PIEZO2: variants seen among roughly 807,000 people sequenced by gnomAD.
PIEZO2 encodes piezo type mechanosensitive ion channel component 2, also known as piezo-type mechanosensitive ion channel component 2.
PIEZO2 carries 172 observed loss-of-function variants against 337.3 expected under a neutral mutation model. That is an observed-to-expected ratio of 0.51 (90% CI 0.45 to 0.58). The LOEUF (loss-of-function observed/expected upper bound fraction) is 0.58, where lower values mean the gene tolerates loss of function less well. Among genes scored for constraint, PIEZO2 ranks in the 20% least tolerant of loss-of-function variants. PIEZO2 has a pLI of 0.00. For missense variants in PIEZO2, 3,028 were observed against 3,391.3 expected, an observed-to-expected ratio of 0.89 and a Z score of 2.66; for synonymous variants, 1,251 against 1,228.5, an observed-to-expected ratio of 1.02 and a Z score of -0.38.
chr18:10,844,887 C>A (rs926691855), intron 7 of PIEZO2, among the ~76,000 whole-genome samples: 35 of 151,570 alleles, frequency 2.3e-4, no homozygotes, highest in African/African-American at 8.2e-4. Context: ...AGTAACTGAC[C>A]AAATAATGAC....
intron 3 of PIEZO2, among the ~76,000 whole-genome samples, chr18:10,941,846 A>G (rs1043491817): frequency 7.9e-5 from 12 of 152,324 alleles, no homozygotes; most frequent in African/African-American, 2.6e-4. Context: ...TTCCCACCCA[A>G]ATCTCATCTT....
chr18:10,740,898 A>G, intron 33 of PIEZO2, 133 bp downstream of exon 33: 2 of 944,582 alleles, frequency 2.1e-6, no homozygotes. Flanking sequence ...AAATTTTCCT[A>G]CACTCCGACC....
intron 42 of PIEZO2, among the ~76,000 whole-genome samples, chr18:10,702,427 C>T (rs140488514): frequency 2.6e-5 from 4 of 152,124 alleles, no homozygotes; most frequent in Admixed American, 6.6e-5. Context: ...CTCAGGGCAC[C>T]GCTTTGATTA....
At chr18:10,805,065 C>G (rs547666180) in intron 8 of PIEZO2, among the ~76,000 whole-genome samples, 65 of 152,314 alleles carry the variant, frequency 4.3e-4, no homozygotes, top group African/African-American at 1.4e-3. Flanking sequence ...GCAGTGGAAG[C>G]AGAATATCGC....
intron 3 of PIEZO2, among the ~76,000 whole-genome samples, chr18:10,936,394 T>C (rs2032398071): frequency 6.6e-6 from 1 of 152,170 alleles, no homozygotes; most frequent in Non-Finnish European, 1.5e-5. Context: ...TGAGGTTGCC[T>C]TTTAACATAC....
intron 4 of PIEZO2, among the ~76,000 whole-genome samples, chr18:10,907,613 C>T (rs1182227992): frequency 2.6e-5 from 4 of 152,130 alleles, no homozygotes; most frequent in African/African-American, 4.8e-5. Flanking sequence ...TGTATTAAGC[C>T]ACCAAGAATT....
At position 10,693,431 on chromosome 18, in the gene PIEZO2, G is replaced by A. The variant is rs559189809; in HGVS notation, c.7191-2048C>T. On this transcript the variant is annotated intron_variant, in intron 47 of 55. Transcript: ENST00000674853. ...GTCACCCAGGCTGGAGTGCAGCAGC[G>A]CAATCTCAGCTCACTGCAACTTCTG... 4.0e-5 allele frequency among the ~76,000 whole-genome samples: 6 copies of A among 151,260 alleles called. No homozygotes were observed. The South Asian group carries it at 1.2e-3, about 31-fold the overall frequency.
At chr18:10,790,524 T>C (rs1354758741) in intron 14 of PIEZO2, among the ~76,000 whole-genome samples, 1 of 152,340 alleles carries the variant, frequency 6.6e-6, no homozygotes, top group East Asian at 1.9e-4. Context: ...CATCATCCTC[T>C]GTTTTTACAT....
At chr18:10,695,997 C>A in intron 47 of PIEZO2, 77 bp downstream of exon 47, 1 of 1,368,480 alleles carries the variant, frequency 7.3e-7, no homozygotes, top group Non-Finnish European at 1.0e-6. Flanking sequence ...TTCTGCTGTG[C>A]AATGCATGCG....
rs529732536 is a variant in PIEZO2 at position 10,982,998 on chromosome 18, G to A, written c.161-3338C>T. On this transcript the variant is annotated intron_variant, in intron 2 of 55. Coordinates refer to ENST00000674853, the MANE Select transcript of PIEZO2 (RefSeq NM_001378183.1). The surrounding 1 kb of genome is among the most constrained non-coding windows in gnomAD (Gnocchi z 4.1). ...AGCCTCCCAAAGTGCTGGGATTACA[G>A]GAATGAGCCACCGTGCCTGGCCAAA... Among the ~76,000 whole-genome samples, 1 of 152,216 alleles carries A rather than the reference G, an allele frequency of 6.6e-6. No individual in the cohort carries two copies. The highest frequency in any genetic ancestry group is 2.4e-5 in the African/African-American group (1 of 41,528).
intron 7 of PIEZO2, among the ~76,000 whole-genome samples, chr18:10,823,181 C>G (rs762418117): frequency 2.8e-4 from 43 of 151,946 alleles, no homozygotes; most frequent in Non-Finnish European, 4.1e-4. Context: ...TCTAGGTTCT[C>G]TTTTTAGACA....
rs2038264628 is a variant in PIEZO2 at position 11,069,485 on chromosome 18, G to C, written c.65-3263C>G. Among the ~76,000 whole-genome samples, 1 of 152,004 alleles carries C rather than the reference G, an allele frequency of 6.6e-6. No homozygotes were observed. The highest frequency in any genetic ancestry group is 1.5e-5 in the Non-Finnish European group (1 of 68,016). On this transcript the variant is annotated intron_variant, in intron 1 of 55. Transcript: ENST00000674853. This position sits in a 1 kb window ranked among gnomAD's most constrained non-coding sequence, Gnocchi z 4.9. Reference sequence around the variant, plus strand: ...TCTGACAAAATTCAACACCCTTCATGGTAAAAATTCTCAACAAATTACATA... The same window carrying C: ...TCTGACAAAATTCAACACCCTTCATCGTAAAAATTCTCAACAAATTACATA...
At chr18:11,120,316 G>GT (rs992693718) in intron 1 of PIEZO2, among the ~76,000 whole-genome samples, 59 of 151,468 alleles carry the variant, frequency 3.9e-4, no homozygotes, top group Middle Eastern at 3.4e-3. Flanking sequence ...CACAAAATAT[G>GT]TTTTTTTTTC....
intron 2 of PIEZO2, among the ~76,000 whole-genome samples, chr18:11,057,278 T>C (rs1049594450): frequency 6.6e-6 from 1 of 152,240 alleles, no homozygotes; most frequent in African/African-American, 2.4e-5. Flanking sequence ...TCCCCTTCAG[T>C]AACCAATCCT....
chr18:10,744,051 G>T (rs2037328250), intron 31 of PIEZO2, 91 bp downstream of exon 31: 2 of 850,714 alleles, frequency 2.4e-6, no homozygotes, highest in Non-Finnish European at 3.6e-6. Context: ...TATTTTTCAG[G>T]GGTTTGAGGC....
rs1202085871 is a variant in PIEZO2 at position 11,038,538 on chromosome 18, T to A, written c.160+27589A>T. Among the ~76,000 whole-genome samples, 1 of 152,112 alleles carries A rather than the reference T, an allele frequency of 6.6e-6. No individual in the cohort carries two copies. The highest frequency in any genetic ancestry group is 2.4e-5 in the African/African-American group (1 of 41,432). ...ATTGAGATATGGGAGGCAGTACTCC[T>A]CCTGCAAACCCCTGGATGAAGACTG... On this transcript the variant is annotated intron_variant, in intron 2 of 55. Coordinates refer to ENST00000674853, the MANE Select transcript of PIEZO2 (RefSeq NM_001378183.1). This position sits in a 1 kb window ranked among gnomAD's most constrained non-coding sequence, Gnocchi z 4.1.
chr18:10,951,852 A>G (rs2033309440), intron 3 of PIEZO2, among the ~76,000 whole-genome samples: 1 of 152,210 alleles, frequency 6.6e-6, no homozygotes, highest in African/African-American at 2.4e-5. Flanking sequence ...CTTTGGGGAC[A>G]AGAGTGTGCC....
Position 11,033,557 on chromosome 18 carries a change from T to C in PIEZO2, c.160+32570A>G, listed in dbSNP as rs2036814704. ...CTTAAGGAACGCATTCCATGACACA[T>C]GTTTGACTCCTGGAAAACTTCTCTG... On this transcript the variant is annotated intron_variant, in intron 2 of 55. Transcript: ENST00000674853. This position sits in a 1 kb window ranked among gnomAD's most constrained non-coding sequence, Gnocchi z 4.2. Among the ~76,000 whole-genome samples, 1 of 152,202 alleles carries C rather than the reference T, an allele frequency of 6.6e-6. No individual in the cohort carries two copies. Among genetic ancestry groups the C allele is most frequent in the Admixed American group, 6.5e-5 (1 of 15,284 alleles).
Position 10,720,391 on chromosome 18 carries a change from GTGTGTGTGTGTGTA to G in PIEZO2, c.5030-2146_5030-2133del, listed in dbSNP as rs1349081467. On this transcript the variant is annotated intron_variant, in intron 36 of 55. Transcript: ENST00000674853. ...TGTGTGTGTGTGTGTGTGTGTGTGTGTGTGTGTGTGTGTATGTGTATGTGTATGTATATATATAT... is the reference window on the plus strand; with the variant it reads ...TGTGTGTGTGTGTGTGTGTGTGTGTGTGTGTATGTGTATGTATATATATAT... Among the ~76,000 whole-genome samples the G allele has an allele frequency of 8.9e-3, 231 of 26,040 alleles. 4 individuals carry two copies. The highest frequency in any genetic ancestry group is 0.015 in the Non-Finnish European group (169 of 11,286). The allele number at this position is 26,040 out of a possible 152,430, so 17.1% of individuals were successfully genotyped here. A position where few individuals can be genotyped will look rare whatever the true frequency, so the allele number is the denominator to read the frequency against.
Sources: allele counts gnomAD v4.1 joint callset (sites outside exome capture counted in the v4.1 genomes callset), GRCh38; gene constraint gnomAD v4.1.1; non-coding constraint Gnocchi (gnomAD v3.1); transcripts MANE v1.5; gene names NCBI Gene and HGNC (gene_info 2026-07-23, HGNC 2026-07-21).